The following FOCAD variants were observed in gnomAD, a reference collection of about 807,000 sequenced individuals.
FOCAD encodes the protein focadhesin.
A neutral mutation model predicts 225.6 loss-of-function variants in FOCAD; 198 were observed. That is an observed-to-expected ratio of 0.88 (90% CI 0.78 to 0.99). The LOEUF (loss-of-function observed/expected upper bound fraction) is 0.99, where lower values mean the gene tolerates loss of function less well. Ranked by LOEUF, FOCAD falls within the 50% of genes least tolerant of loss-of-function variation. The pLI is 0.00. For synonymous variants in FOCAD, 897 were observed against 755.0 expected (o/e 1.19, Z -3.08); for missense variants, 2,713 against 2,123.6 (o/e 1.28, Z -5.46).
At chr9:20,979,630 C>CGCT (rs1840514559) in intron 37 of FOCAD, among the ~76,000 whole-genome samples, 1 of 152,128 alleles carries the variant, frequency 6.6e-6, no homozygotes, top group African/African-American at 2.4e-5. Flanking sequence ...TGAGCCACCA[C>CGCT]GCTGGGCCTG....
chr9:20,822,142 T>C (rs1824400704), intron 14 of FOCAD, among the ~76,000 whole-genome samples: 1 of 151,928 alleles, frequency 6.6e-6, no homozygotes, highest in Non-Finnish European at 1.5e-5. Flanking sequence ...TAATTAAAGC[T>C]GAGGCTCAGG....
At chr9:20,820,018 G>T (rs1028329104) in intron 12 of FOCAD, 118 bp downstream of exon 12, 1 of 576,836 alleles carries the variant, frequency 1.7e-6, no homozygotes. Flanking sequence ...TACTTCTCTT[G>T]TTGAGCTAGG....
intron 15 of FOCAD, among the ~76,000 whole-genome samples, chr9:20,836,766 TA>T (rs748666958): frequency 1.2e-4 from 19 of 152,108 alleles, no homozygotes; most frequent in Admixed American, 3.9e-4. Flanking sequence ...CTGACTGTGT[TA>T]TTTTTTTTAA....
At chr9:20,714,604 T>TTGCC (rs199729075) in intron 1 of FOCAD, among the ~76,000 whole-genome samples, 4,041 of 59,252 alleles carry the variant, frequency 0.068, 559 homozygotes, top group South Asian at 0.092. Flanking sequence ...TTTTGCATGC[T>TTGCC]TGCCTGCCTG....
At chr9:20,816,590 G>A (rs1308987952) in intron 11 of FOCAD, among the ~76,000 whole-genome samples, 1 of 151,972 alleles carries the variant, frequency 6.6e-6, no homozygotes, top group East Asian at 1.9e-4. Context: ...ATGTTTAATT[G>A]TCAATGTCTT....
At chr9:20,731,483 G>C (rs758904763) in intron 4 of FOCAD, among the ~76,000 whole-genome samples, 6 of 152,122 alleles carry the variant, frequency 3.9e-5, no homozygotes, top group Non-Finnish European at 8.8e-5. Flanking sequence ...TTAGAGATCA[G>C]ATACATGAAT....
rs188208810 is a variant in FOCAD, at chr9:20,936,152, C to A, written c.3407+3049C>A. Among the ~76,000 whole-genome samples the A allele has an allele frequency of 1.3e-3, 205 of 152,248 alleles. 1 individual carries two copies. The highest frequency in any genetic ancestry group is 1.9e-3 in the Non-Finnish European group (126 of 68,012). On this transcript the variant is annotated intron_variant, in intron 28 of 43. Coordinates refer to ENST00000338382, the MANE Select transcript of FOCAD (RefSeq NM_001375567.1). ...GCGTTTTGGAACGTCAGGCATGAATCCTCTGGTGTTCATTGTTACTAGGAA... is the reference window on the plus strand; with the variant it reads ...GCGTTTTGGAACGTCAGGCATGAATACTCTGGTGTTCATTGTTACTAGGAA...
intron 18 of FOCAD, among the ~76,000 whole-genome samples, chr9:20,871,776 G>T (rs1829796052): frequency 8.0e-6 from 1 of 124,900 alleles, no homozygotes; most frequent in Non-Finnish European, 1.7e-5. Flanking sequence ...GGGGTGGGGG[G>T]AGGGGTAGCA....
chr9:20,674,244 TTTATTA>T (rs548847735), intron 2 of FOCAD, among the ~76,000 whole-genome samples: 2 of 152,190 alleles, frequency 1.3e-5, no homozygotes, highest in Non-Finnish European at 2.9e-5. Flanking sequence ...TTTTCTACAT[TTTATTA>T]TTATTTATGC....
chr9:20,982,243 T>G (rs1041905824), intron 38 of FOCAD, 114 bp from the exon 39 acceptor site: 2 of 640,846 alleles, frequency 3.1e-6, no homozygotes, highest in Non-Finnish European at 5.1e-6. Flanking sequence ...TGGTTAAAAT[T>G]AAAATCTCAT....
chr9:20,656,247 T>C (rs1472920307), upstream of FOCAD, among the ~76,000 whole-genome samples: 1 of 151,420 alleles, frequency 6.6e-6, no homozygotes, highest in Non-Finnish European at 1.5e-5. Flanking sequence ...AAAAAATGTA[T>C]ATTCTGTTGA....
At chr9:20,735,088 CACTG>C (rs1396073248) in intron 4 of FOCAD, among the ~76,000 whole-genome samples, 2 of 152,186 alleles carry the variant, frequency 1.3e-5, no homozygotes, top group African/African-American at 4.8e-5. Context: ...TACTCTTTAA[CACTG>C]AGTATTATGA....
chr9:20,796,653 G>A (rs573061877), intron 11 of FOCAD, among the ~76,000 whole-genome samples: 1 of 152,212 alleles, frequency 6.6e-6, no homozygotes, highest in South Asian at 2.1e-4. Context: ...CCCACTTTTT[G>A]ATGGGGTTGT....
At chr9:20,893,247 C>G (rs958540153) in intron 21 of FOCAD, among the ~76,000 whole-genome samples, 4 of 151,934 alleles carry the variant, frequency 2.6e-5, no homozygotes, top group Admixed American at 1.3e-4. Flanking sequence ...ATACATAATG[C>G]TGTTACATAA....
chr9:20,746,374 A>G (rs1828038435), intron 5 of FOCAD, among the ~76,000 whole-genome samples: 1 of 152,196 alleles, frequency 6.6e-6, no homozygotes, highest in African/African-American at 2.4e-5. Flanking sequence ...ACATTGGCTC[A>G]GGAGAAGTAG....
In FOCAD at chr9:20,990,292, C is replaced by T; in HGVS notation, c.5174C>T (p.Thr1725Ile). The change falls in exon 42 of 44, where the codon ACT (threonine) becomes ATT (isoleucine). Residue 1725 changes from threonine (T) to isoleucine (I), a missense_variant. Transcript: ENST00000338382. ...GGCAGGAGTCCAATGCACAGGGTCA[C>T]TCTGCAGGAGGTTCTCACTCTCCTT... The part of the protein sequence containing the change: ...FLGRSPMHRV[T>I]LQEVLTLLPN... 1 of 1,614,158 alleles carries T rather than the reference C, an allele frequency of 6.2e-7. No individual in the cohort carries two copies. Among genetic ancestry groups the T allele is most frequent in the Non-Finnish European group, 8.5e-7 (1 of 1,180,020 alleles).
chr9:20,806,656 A>G (rs1259384843), intron 11 of FOCAD, among the ~76,000 whole-genome samples: 1 of 152,224 alleles, frequency 6.6e-6, no homozygotes, highest in African/African-American at 2.4e-5. Flanking sequence ...GTAAAGTACC[A>G]TGCAAATGCT....
chr9:20,839,648 A>AT (rs138879113), intron 15 of FOCAD, among the ~76,000 whole-genome samples: 23 of 151,354 alleles, frequency 1.5e-4, no homozygotes, highest in Admixed American at 8.6e-4. Context: ...CAATCACTTA[A>AT]TTTTTTTTTA....
At chr9:20,886,945 G>A (rs954080012) in intron 21 of FOCAD, among the ~76,000 whole-genome samples, 1 of 152,212 alleles carries the variant, frequency 6.6e-6, no homozygotes, top group East Asian at 1.9e-4. Flanking sequence ...AGGTCACATA[G>A]CTAACAAGTA....
Sources: allele counts gnomAD v4.1 joint callset (sites outside exome capture counted in the v4.1 genomes callset), GRCh38; gene constraint gnomAD v4.1.1; transcripts MANE v1.5; gene names NCBI Gene and HGNC (gene_info 2026-07-23, HGNC 2026-07-21).